ZC3H11A: variants seen among roughly 807,000 people sequenced by gnomAD.
The protein encoded by ZC3H11A is zinc finger CCCH domain-containing protein 11A.
ZC3H11A carries 22 observed loss-of-function variants against 90.8 expected under a neutral mutation model. That is an observed-to-expected ratio of 0.24 (90% CI 0.17 to 0.35). The LOEUF (loss-of-function observed/expected upper bound fraction) is 0.35. ZC3H11A is among the 10% of genes least tolerant of loss of function. The probability of loss-of-function intolerance (pLI) is 1.00; values close to 1 mark genes in which losing one functional copy is unlikely to be tolerated. For synonymous variants in ZC3H11A, 294 were observed against 339.8 expected (o/e 0.87, Z 1.48); for missense variants, 701 against 964.9 (o/e 0.73, Z 3.62).
chr1:203,851,861 TGGGAGGCGGA>T (rs1689363201), intron 17 of ZC3H11A, among the ~76,000 whole-genome samples: 1 of 149,970 alleles, frequency 6.7e-6, no homozygotes, highest in Non-Finnish European at 1.5e-5. Context: ...CCCAGCTACT[TGGGAGGCGGA>T]GGCAAAATGA....
intron 4 of ZC3H11A, among the ~76,000 whole-genome samples, chr1:203,819,206 AT>A (rs953666625): frequency 1.5e-4 from 22 of 144,292 alleles, no homozygotes; most frequent in African/African-American, 3.3e-4. Context: ...CCTCTATGCA[AT>A]TTTTTTTTCT....
chr1:203,844,156 T>G (rs1172368340), intron 12 of ZC3H11A, among the ~76,000 whole-genome samples: 1 of 145,366 alleles, frequency 6.9e-6, no homozygotes, highest in Non-Finnish European at 1.5e-5. Context: ...TGTGCCCGCC[T>G]TTATTTTTTA....
intron 8 of ZC3H11A, 74 bp from the exon 9 acceptor site, chr1:203,831,583 TACAA>T: frequency 3.0e-6 from 4 of 1,318,484 alleles, no homozygotes; most frequent in Non-Finnish European, 4.3e-6. Context: ...CTTAACTGGT[TACAA>T]AAACAAATTT....
At chr1:203,845,302 T>TCACC (rs1257606757) in intron 12 of ZC3H11A, among the ~76,000 whole-genome samples, 1 of 152,204 alleles carries the variant, frequency 6.6e-6, no homozygotes, top group Admixed American at 6.5e-5. Context: ...GGCCTCTATG[T>TCACC]CACCATTCAT....
intron 2 of ZC3H11A, among the ~76,000 whole-genome samples, chr1:203,815,241 GT>G (rs1558106476): frequency 2.6e-5 from 2 of 76,510 alleles, no homozygotes; most frequent in Non-Finnish European, 4.6e-5. Flanking sequence ...TTGAGACAGT[GT>G]CTCGCTCTGT....
intron 12 of ZC3H11A, among the ~76,000 whole-genome samples, chr1:203,840,922 C>T (rs951578385): frequency 6.6e-6 from 1 of 152,096 alleles, no homozygotes; most frequent in African/African-American, 2.4e-5. Flanking sequence ...GCACGAGCCA[C>T]CGCACCCGGC....
chr1:203,831,535 CTGAT>C, intron 8 of ZC3H11A, 122 bp from the exon 9 acceptor site: 2 of 711,698 alleles, frequency 2.8e-6, no homozygotes, highest in Admixed American at 2.4e-5. Context: ...TACAGAAAGG[CTGAT>C]TGGCTTATAG....
chr1:203,852,018 G>T (rs1398748581), intron 17 of ZC3H11A, 123 bp from the exon 18 acceptor site: 45 of 320,332 alleles, frequency 1.4e-4, no homozygotes, highest in East Asian at 4.0e-4. Context: ...ATCAGTAAAA[G>T]AATTATTTCT....
intron 15 of ZC3H11A, 73 bp from the exon 16 acceptor site, chr1:203,850,442 T>G: frequency 6.3e-7 from 1 of 1,579,570 alleles, no homozygotes; most frequent in Non-Finnish European, 8.7e-7. Context: ...AGTTTTGATA[T>G]TTTATTCTGA....
intron 4 of ZC3H11A, 89 bp downstream of exon 4, chr1:203,818,778 A>G (rs904405068): frequency 1.5e-5 from 24 of 1,591,250 alleles, no homozygotes; most frequent in Non-Finnish European, 1.9e-5. Context: ...ACTTTTAAAA[A>G]ATATATTAAG....
At chr1:203,822,706 G>A (rs578205943) in intron 4 of ZC3H11A, among the ~76,000 whole-genome samples, 1 of 152,200 alleles carries the variant, frequency 6.6e-6, no homozygotes, top group African/African-American at 2.4e-5. Context: ...ACTTGTCAGG[G>A]TACCCTTTCA....
chr1:203,851,149 ACAAACTCCAGGCCC>A, intron 17 of ZC3H11A, 25 bp downstream of exon 17: 1 of 1,611,050 alleles, frequency 6.2e-7, no homozygotes, highest in Non-Finnish European at 8.5e-7. Flanking sequence ...TTCTTTCTAA[ACAAACTCCAGGCCC>A]CTGTTACTGT....
At chr1:203,798,629 T>C in intron 1 of ZC3H11A, 1 of 1,536,146 alleles carries the variant, frequency 6.5e-7, no homozygotes. Flanking sequence ...CTGATTCAGA[T>C]GAACCTATGT....
At chr1:203,804,917 C>T (rs1671764464) in intron 2 of ZC3H11A, among the ~76,000 whole-genome samples, 1 of 151,710 alleles carries the variant, frequency 6.6e-6, no homozygotes, top group Non-Finnish European at 1.5e-5. Flanking sequence ...AGGTGATCTG[C>T]CCAACTCGGC....
intron 13 of ZC3H11A, among the ~76,000 whole-genome samples, chr1:203,847,948 T>G (rs1008967651): frequency 6.6e-6 from 1 of 152,108 alleles, no homozygotes; most frequent in Non-Finnish European, 1.5e-5. Flanking sequence ...CTCCACCTCC[T>G]AGGTTCAAGT....
chr1:203,852,059 T>C, intron 17 of ZC3H11A, 82 bp from the exon 18 acceptor site: 4 of 1,515,530 alleles, frequency 2.6e-6, no homozygotes, highest in Non-Finnish European at 2.7e-6. Flanking sequence ...AAATTTTTGC[T>C]CACTTTGTGT....
intron 3 of ZC3H11A, among the ~76,000 whole-genome samples, chr1:203,818,038 C>T (rs12024191): frequency 0.049 from 7,411 of 152,138 alleles, 640 homozygotes; most frequent in East Asian, 0.4. Flanking sequence ...TGAGCCCCCA[C>T]GCCCGGTGAT....
At position 203,850,499 on chromosome 1, in the gene ZC3H11A, T is replaced by G; in HGVS notation, c.1940-16T>G. 6.2e-7 allele frequency: 1 copy of G among 1,613,974 alleles called. No individual in the cohort carries two copies. The highest frequency in any genetic ancestry group is 8.5e-7 in the Non-Finnish European group (1 of 1,179,848). On this transcript the variant is annotated splice_polypyrimidine_tract_variant and intron_variant, in intron 15 of 17. Transcript: ENST00000367210. ...TCTATTCTCACTGCTTATCAGATATTTTCTGCCCTTTGTAGCTAAACCCAA... is the reference window on the plus strand; with the variant it reads ...TCTATTCTCACTGCTTATCAGATATGTTCTGCCCTTTGTAGCTAAACCCAA...
chr1:203,819,230 T>A (rs1159209437), intron 4 of ZC3H11A, among the ~76,000 whole-genome samples: 10 of 150,838 alleles, frequency 6.6e-5, no homozygotes, highest in African/African-American at 1.7e-4. Context: ...CTTTTTATTT[T>A]TTTTTTTTTG....
Sources: allele counts gnomAD v4.1 joint callset (sites outside exome capture counted in the v4.1 genomes callset), GRCh38; gene constraint gnomAD v4.1.1; transcripts MANE v1.5; gene names NCBI Gene and HGNC (gene_info 2026-07-23, HGNC 2026-07-21).